Variants in MAF observed in about 807,000 individuals in gnomAD.
MAF encodes transcription factor Maf.
MAF carries 10 observed loss-of-function variants against 22.0 expected under a neutral mutation model. That is an observed-to-expected ratio of 0.45 (90% confidence interval 0.28 to 0.77). The LOEUF (loss-of-function observed/expected upper bound fraction) is 0.77, where lower values mean the gene tolerates loss of function less well. MAF is among the 30% of genes least tolerant of loss of function. MAF has a pLI of 0.12. For synonymous variants in MAF, 337 were observed against 255.8 expected (o/e 1.32, Z -3.03); for missense variants, 544 against 548.4 (o/e 0.99, Z 0.08).
At chr16:79,274,511 G>A in the MAF span, among the ~76,000 whole-genome samples, 2 of 152,120 alleles carry the variant, frequency 1.3e-5, no homozygotes, top group African/African-American at 2.4e-5. Context: ...AGCACTGACA[G>A]CACATGGACT....
the MAF span, among the ~76,000 whole-genome samples, chr16:79,428,767 C>T: frequency 2.0e-5 from 3 of 151,852 alleles, no homozygotes; most frequent in Non-Finnish European, 2.9e-5. Context: ...ATTGCTTGAG[C>T]CCAGGAGGTC....
the MAF span, among the ~76,000 whole-genome samples, chr16:79,552,154 G>A: frequency 1.3e-5 from 2 of 151,860 alleles, no homozygotes; most frequent in Non-Finnish European, 2.9e-5. Context: ...GGAAATGCTG[G>A]CTCTTCCTGG....
chr16:79,303,808 G>C, the MAF span, among the ~76,000 whole-genome samples: 34 of 152,128 alleles, frequency 2.2e-4, 1 homozygote, highest in African/African-American at 8.2e-4. Context: ...GAAAAAGCAA[G>C]TTAGGACCAT....
At chr16:79,234,523 T>G in the MAF span, among the ~76,000 whole-genome samples, 1 of 152,130 alleles carries the variant, frequency 6.6e-6, no homozygotes, top group Non-Finnish European at 1.5e-5. Context: ...AGTGCACATT[T>G]ATTTCTCAAA....
At chr16:79,565,750 G>C in the MAF span, among the ~76,000 whole-genome samples, 1 of 152,094 alleles carries the variant, frequency 6.6e-6, no homozygotes, top group Admixed American at 6.5e-5. Context: ...AAATTACCCA[G>C]TCCCAGGTAT....
At chr16:79,348,871 C>G in the MAF span, among the ~76,000 whole-genome samples, 2 of 152,176 alleles carry the variant, frequency 1.3e-5, no homozygotes, top group African/African-American at 4.8e-5. Context: ...AAGGTCCTGT[C>G]TCATGAGAGG....
At chr16:79,370,514 C>T in the MAF span, among the ~76,000 whole-genome samples, 3 of 152,198 alleles carry the variant, frequency 2.0e-5, no homozygotes, top group Admixed American at 6.5e-5. Flanking sequence ...CATCTGTTCT[C>T]TCTAAAGATA....
chr16:79,245,259 C>T, the MAF span, among the ~76,000 whole-genome samples: 1 of 151,968 alleles, frequency 6.6e-6, no homozygotes, highest in East Asian at 1.9e-4. Context: ...ACAAAAGAAA[C>T]TATCGTTGGA....
chr16:79,471,108 T>C, the MAF span, among the ~76,000 whole-genome samples: 1 of 152,196 alleles, frequency 6.6e-6, no homozygotes, highest in Non-Finnish European at 1.5e-5. Flanking sequence ...TGCTGGACTT[T>C]CCTACCTGGC....
At chr16:79,392,035 T>G in the MAF span, among the ~76,000 whole-genome samples, 25 of 111,940 alleles carry the variant, frequency 2.2e-4, no homozygotes, top group African/African-American at 4.6e-4. Flanking sequence ...GAGGGAAGAA[T>G]GAGGAGAAGG....
the MAF span, among the ~76,000 whole-genome samples, chr16:79,312,204 G>A: frequency 6.6e-6 from 1 of 152,034 alleles, no homozygotes; most frequent in South Asian, 2.1e-4. Context: ...CAGAGTAAAA[G>A]TTGACATTCC....
chr16:79,296,306 C>A, the MAF span, among the ~76,000 whole-genome samples: 1 of 152,078 alleles, frequency 6.6e-6, no homozygotes, highest in Non-Finnish European at 1.5e-5. Flanking sequence ...TTTAAAAAAT[C>A]AGCTCTGAAC....
chr16:79,542,010 G>C, the MAF span, among the ~76,000 whole-genome samples: 4 of 152,124 alleles, frequency 2.6e-5, no homozygotes, highest in Non-Finnish European at 5.9e-5. Context: ...CATTTGCTCA[G>C]TTTCCTCAAG....
chr16:79,306,387 G>C, the MAF span, among the ~76,000 whole-genome samples: 2 of 152,150 alleles, frequency 1.3e-5, no homozygotes, highest in Non-Finnish European at 2.9e-5. Flanking sequence ...CCACACACAT[G>C]TATGGAGTGC....
At chr16:79,486,222 A>G in the MAF span, among the ~76,000 whole-genome samples, 1 of 152,216 alleles carries the variant, frequency 6.6e-6, no homozygotes, top group African/African-American at 2.4e-5. Context: ...GATAGGCAAG[A>G]GAAGCATTTC....
the MAF span, among the ~76,000 whole-genome samples, chr16:79,275,965 T>C: frequency 6.6e-6 from 1 of 151,780 alleles, no homozygotes; most frequent in African/African-American, 2.4e-5. Flanking sequence ...CACGGTGAAA[T>C]CCTGTCTCTA....
At chr16:79,550,807 G>A in the MAF span, among the ~76,000 whole-genome samples, 3 of 152,098 alleles carry the variant, frequency 2.0e-5, no homozygotes, top group East Asian at 5.8e-4. Context: ...TCTGTATGTA[G>A]GTTCCCAACC....
the MAF span, among the ~76,000 whole-genome samples, chr16:79,341,053 CTG>C: frequency 0.064 from 9,747 of 152,200 alleles, 601 homozygotes; most frequent in East Asian, 0.27. Flanking sequence ...GGACCAAGGC[CTG>C]CAGCATGGAA....
chr16:79,600,428 G>A lies in MAF; in HGVS notation c.-526C>T, dbSNP rs192477942. On this transcript the variant is annotated 5_prime_UTR_variant, in exon 1 of 2. Transcript: ENST00000326043. ...GTCCGGGCGGCGCGGGCCTTGGCAC[G>A]GGGGAGTTAACACTTCATGCTTCTC... The A allele has an allele frequency of 0.024, 4,651 of 196,760 alleles. 71 individuals carry two copies. The highest frequency in any genetic ancestry group is 0.04 in the Middle Eastern group (20 of 494). The allele number at this position is 196,760 out of a possible 1,614,324, so 12.2% of individuals were successfully genotyped here.
Sources: gnomAD v4.1 joint callset for allele counts (sites outside exome capture counted in the v4.1 genomes callset) on GRCh38, gnomAD v4.1.1 for gene constraint, MANE v1.5 for transcripts, NCBI Gene and HGNC (gene_info 2026-07-23, HGNC 2026-07-21) for gene names.